The following RAD9A variants were observed in gnomAD, a reference collection of about 807,000 sequenced individuals.
RAD9A encodes RAD9 checkpoint clamp component A, also known as cell cycle checkpoint control protein RAD9A.
In RAD9A, 25 loss-of-function variants were observed where a neutral mutation model predicts 41.2. The ratio of observed to expected loss-of-function variants is 0.61; its 90% CI spans 0.44 to 0.85. RAD9A has a LOEUF of 0.85. Among genes scored for constraint, RAD9A ranks in the 40% least tolerant of loss-of-function variants. The pLI, the probability that RAD9A is intolerant of heterozygous loss-of-function variation, is 0.00. For synonymous variants in RAD9A, 252 were observed against 210.6 expected (o/e 1.20, Z -1.70); for missense variants, 514 against 518.3 (o/e 0.99, Z 0.08).
Position 67,398,089 on chromosome 11 carries a change from T to C in RAD9A, c.*530T>C. ...CTTGGACCCGAGTGTGTGGCTAGGGTTGCCCTGGCTGGGGCCCGGTGCCGA... is the reference window on the plus strand; with the variant it reads ...CTTGGACCCGAGTGTGTGGCTAGGGCTGCCCTGGCTGGGGCCCGGTGCCGA... On this transcript the variant is annotated 3_prime_UTR_variant, in exon 11 of 11. Coordinates refer to ENST00000307980, the MANE Select transcript of RAD9A (RefSeq NM_004584.3). 4.8e-6 allele frequency: 1 copy of C among 209,172 alleles called. No individual in the cohort carries two copies. The highest frequency in any genetic ancestry group is 9.7e-6 in the Non-Finnish European group (1 of 102,752). The allele number at this position is 209,172 out of a possible 1,614,324, so 13.0% of individuals were successfully genotyped here.
intron 5 of RAD9A, among the ~76,000 whole-genome samples, chr11:67,394,068 C>T (rs1862613818): frequency 6.6e-6 from 1 of 152,218 alleles, no homozygotes; most frequent in Non-Finnish European, 1.5e-5. Context: ...TTTCTGGCTG[C>T]TCAAACCCAT....
Position 67,397,877 on chromosome 11 carries a change from C to T in RAD9A, c.*318C>T, listed in dbSNP as rs1460782733. ...CTGGCCAAGGCTGGAAACCTGTCTC[C>T]CTCAGGCTCACCTTCCTAAGGAAAA... On this transcript the variant is annotated 3_prime_UTR_variant, in exon 11 of 11. Transcript: ENST00000307980. The T allele has an allele frequency of 1.2e-5, 4 of 332,114 alleles. No individual in the cohort carries two copies. In the Admixed American group the frequency reaches 1.9e-4, roughly 16 times the overall value. The allele number at this position is 332,114 out of a possible 1,614,324, so 20.6% of individuals were successfully genotyped here. A position where few individuals can be genotyped will look rare whatever the true frequency, so the allele number is the denominator to read the frequency against.
chr11:67,397,600 A>G lies in RAD9A; in HGVS notation c.*41A>G. The G allele has an allele frequency of 6.6e-7, 1 of 1,510,624 alleles. No homozygotes were observed. The highest frequency in any genetic ancestry group is 9.1e-7 in the Non-Finnish European group (1 of 1,099,554). 93.6% of individuals were successfully genotyped at this position (1,510,624 alleles called of 1,614,324 possible). A position where few individuals can be genotyped will look rare whatever the true frequency, so the allele number is the denominator to read the frequency against. The stretch of plus-strand genomic sequence containing the variant: ...CCTGTACCCAGAGGCCTTGGACTAG[A>G]CGAAGCCCCAGCCAGTGGCAGAACT... On this transcript the variant is annotated 3_prime_UTR_variant, in exon 11 of 11. Transcript: ENST00000307980.
intron 2 of RAD9A, 31 bp downstream of exon 2, chr11:67,392,262 G>GGGGATGGGGGGGGGGGGGGGGGGGGC: frequency 1.7e-6 from 1 of 600,788 alleles, no homozygotes; most frequent in Non-Finnish European, 3.0e-6. Flanking sequence ...GGGCGGGTGG[G>GGGGATGGGGGGGGGGGGGGGGGGGGC]ACTCCAGCCG....
rs1481758222 is a variant in RAD9A at position 67,392,235 on chromosome 11, AGGGGCTAGGGTGTGG to A, written c.105+10_105+24del. The stretch of plus-strand genomic sequence containing the variant: ...CCTGGAACCCTTGGAGGACGGGGTG[AGGGGCTAGGGTGTGG>A]GGGGCGGGTGGGACTCCAGCCGGGA... On this transcript the variant is annotated splice_donor_5th_base_variant and intron_variant, in intron 2 of 10. Coordinates refer to ENST00000307980, the MANE Select transcript of RAD9A (RefSeq NM_004584.3). The A allele has an allele frequency of 2.5e-6, 1 of 403,786 alleles. No homozygotes were observed. Among genetic ancestry groups the A allele is most frequent in the African/African-American group, 3.5e-5 (1 of 28,952 alleles). 25.0% of individuals were successfully genotyped at this position (403,786 alleles called of 1,614,324 possible).
chr11:67,392,097 G>C lies in RAD9A; in HGVS notation c.34+19G>C, dbSNP rs1203115684. 2 of 1,601,648 alleles carry C rather than the reference G, an allele frequency of 1.2e-6. No homozygotes were observed. Among genetic ancestry groups the C allele is most frequent in the Non-Finnish European group, 1.7e-6 (2 of 1,175,954 alleles). On this transcript the variant is annotated intron_variant, in intron 1 of 10. Transcript: ENST00000307980. ...GTGAAGGGTGAGTGCAGGTCGGCCTGGCAGCGGCGGTGCAGCAGCCGCGGA... is the reference window on the plus strand; with the variant it reads ...GTGAAGGGTGAGTGCAGGTCGGCCTCGCAGCGGCGGTGCAGCAGCCGCGGA...
At chr11:67,395,878 C>T (rs765838803) in intron 6 of RAD9A, 34 bp from the exon 7 acceptor site, 3 of 1,611,748 alleles carry the variant, frequency 1.9e-6, no homozygotes, top group African/African-American at 2.7e-5. Context: ...GGGAGAGGGG[C>T]GGGGCCCAGG....
rs1394624971 is a variant in RAD9A, at chr11:67,395,953, G to A, written c.601G>A (p.Glu201Lys). The A allele has an allele frequency of 1.1e-5, 18 of 1,614,018 alleles. No homozygotes were observed. The highest frequency in any genetic ancestry group is 4.0e-5 in the African/African-American group (3 of 74,926). Residue 201 changes from glutamate to lysine, a missense_variant, in exon 7 of 11, where the codon GAG becomes AAG. This residue lies in a region of RAD9A where 268 missense variants were observed against 279.3 expected (regional missense o/e 0.96). Transcript: ENST00000307980. Reference sequence around the variant, plus strand: ...CATGGTGACTGAGATGTGCCTTGGAGAGGAGGATTTCCAGCAGCTGCAGGC... The same window carrying A: ...CATGGTGACTGAGATGTGCCTTGGAAAGGAGGATTTCCAGCAGCTGCAGGC... ...KAMVTEMCLG[E>K]EDFQQLQAQE...
At chr11:67,392,448 C>T (rs955877401) in intron 2 of RAD9A, among the ~76,000 whole-genome samples, 25 of 152,212 alleles carry the variant, frequency 1.6e-4, no homozygotes, top group Admixed American at 9.2e-4. Context: ...TAGAGAAACT[C>T]GGGGAAGGCC....
intron 5 of RAD9A, among the ~76,000 whole-genome samples, chr11:67,394,452 T>G (rs1408107265): frequency 1.3e-5 from 2 of 152,154 alleles, no homozygotes; most frequent in African/African-American, 4.8e-5. Context: ...TCCATGCTGG[T>G]CACTGCTTGC....
chr11:67,392,229 G>T lies in RAD9A; in HGVS notation c.103G>T (p.Gly35Trp). The part of the protein sequence containing the change: ...DELYLEPLED[G>W]LSLRTVNSSR... ...GCTCTACCTGGAACCCTTGGAGGACGGGGTGAGGGGCTAGGGTGTGGGGGG... is the reference window on the plus strand; with the variant it reads ...GCTCTACCTGGAACCCTTGGAGGACTGGGTGAGGGGCTAGGGTGTGGGGGG... Residue 35 changes from glycine (G) to tryptophan (W), a missense_variant and splice_region_variant, in exon 2 of 11, where the codon GGG (glycine) becomes TGG (tryptophan). Physicochemically the swap from Gly to Trp is radical, Grantham distance 184. Coordinates refer to ENST00000307980, the MANE Select transcript of RAD9A (RefSeq NM_004584.3). 6.2e-7 allele frequency: 1 copy of T among 1,601,710 alleles called. No homozygotes were observed. Among genetic ancestry groups the T allele is most frequent in the Non-Finnish European group, 8.5e-7 (1 of 1,172,580 alleles).
Position 67,398,343 on chromosome 11 carries a change from G to A in RAD9A, c.*784G>A, listed in dbSNP as rs1297811266. 1.9e-5 allele frequency: 12 copies of A among 627,376 alleles called. No individual in the cohort carries two copies. The highest frequency in any genetic ancestry group is 3.2e-5 in the Non-Finnish European group (12 of 369,266). 38.9% of individuals were successfully genotyped at this position (627,376 alleles called of 1,614,324 possible). On this transcript the variant is annotated 3_prime_UTR_variant, in exon 11 of 11. Transcript: ENST00000307980. ...GATCCTGCTCACAGTCACCGCAGGT[G>A]CAGGCAGGAAGCAGCCCTGGGGGAC...
At position 67,397,204 on chromosome 11, in the gene RAD9A, A is replaced by T. The variant is rs1565118677; in HGVS notation, c.898A>T (p.Asn300Tyr). ...CACACCCCACCCGGACGACTTTGCC[A>T]ATGACGACATTGACTCTTACATGAT... is the stretch of plus-strand genomic sequence containing the variant. Reference protein sequence around the residue: ...HSTPHPDDFANDDIDSYMIAM... With the variant: ...HSTPHPDDFAYDDIDSYMIAM... Residue 300 changes from asparagine to tyrosine, a missense_variant, in exon 10 of 11, where the codon AAT becomes TAT. Asn to Tyr is a moderately radical substitution (Grantham distance 143, BLOSUM62 -2). Coordinates refer to ENST00000307980, the MANE Select transcript of RAD9A (RefSeq NM_004584.3). 1.2e-6 allele frequency: 2 copies of T among 1,613,644 alleles called. No individual in the cohort carries two copies. Among genetic ancestry groups the T allele is most frequent in the East Asian group, 4.5e-5 (2 of 44,894 alleles).
chr11:67,392,891 C>G, intron 3 of RAD9A, 109 bp downstream of exon 3: 1 of 1,406,958 alleles, frequency 7.1e-7, no homozygotes, highest in Non-Finnish European at 9.8e-7. Flanking sequence ...GAGACACGTG[C>G]AAGCCCAATC....
rs1565119294 is a variant in RAD9A, at chr11:67,397,507, C to T, written c.1124C>T (p.Ser375Phe). The change falls in exon 11 of 11, where the codon TCC becomes TTC. Residue 375 changes from serine (S) to phenylalanine (F), a missense_variant. Coordinates refer to ENST00000307980, the MANE Select transcript of RAD9A (RefSeq NM_004584.3). ...GGCTCCATCCTGGCCCCTGTACGCT[C>T]CCCCCAGGGCCCCAGCCCTGTGCTG... ...FFGSILAPVR[S>F]PQGPSPVLAE... The T allele has an allele frequency of 6.2e-7, 1 of 1,611,392 alleles. No homozygotes were observed. The highest frequency in any genetic ancestry group is 8.5e-7 in the Non-Finnish European group (1 of 1,178,328).
Position 67,395,787 on chromosome 11 carries a change from G to C in RAD9A, c.521G>C (p.Arg174Pro), listed in dbSNP as rs746014328. ...GTGACGCTGGGCATTGGCCGTGGCCGCAGGGTCATCCTGCGCAGCTACCAC... is the reference window on the plus strand; with the variant it reads ...GTGACGCTGGGCATTGGCCGTGGCCCCAGGGTCATCCTGCGCAGCTACCAC... ...AEVTLGIGRGRRVILRSYHEE... is the reference protein window; with the variant it reads ...AEVTLGIGRGPRVILRSYHEE... Residue 174 changes from arginine (R) to proline (P), a missense_variant, in exon 6 of 11, where the codon CGC (arginine) becomes CCC (proline). By Grantham distance (103) the Arg-to-Pro change is moderately radical. Around this residue, in one of 3 missense-constraint regions of RAD9A, gnomAD observed 268 missense variants for 279.3 expected, o/e 0.96. Coordinates refer to ENST00000307980, the MANE Select transcript of RAD9A (RefSeq NM_004584.3). 1.2e-6 allele frequency: 2 copies of C among 1,613,772 alleles called. No individual in the cohort carries two copies. The highest frequency in any genetic ancestry group is 1.1e-5 in the South Asian group (1 of 91,076).
chr11:67,397,184 C>T lies in RAD9A; in HGVS notation c.878C>T (p.Pro293Leu), dbSNP rs572153554. Residue 293 changes from proline (P) to leucine (L), a missense_variant, in exon 10 of 11, where the codon CCC becomes CTC. Transcript: ENST00000307980. ...TACTCCGATTCTGCCTACAGCACAC[C>T]CCACCCGGACGACTTTGCCAATGAC... ...PVPQLQAHST[P>L]HPDDFANDDI... 5.6e-6 allele frequency: 9 copies of T among 1,612,594 alleles called. No individual in the cohort carries two copies. The Admixed American group carries it at 8.3e-5, about 15-fold the overall frequency.
chr11:67,397,825 C>T lies in RAD9A; in HGVS notation c.*266C>T. 2 of 467,908 alleles carry T rather than the reference C, an allele frequency of 4.3e-6. No individual in the cohort carries two copies. Among genetic ancestry groups the T allele is most frequent in the Non-Finnish European group, 3.8e-6 (1 of 261,792 alleles). 29.0% of individuals were successfully genotyped at this position (467,908 alleles called of 1,614,324 possible). On this transcript the variant is annotated 3_prime_UTR_variant, in exon 11 of 11. Coordinates refer to ENST00000307980, the MANE Select transcript of RAD9A (RefSeq NM_004584.3). ...CTACTGACGTTCCTACCTCTTATTT[C>T]TCATTGAGCCTCAGGCTATACTCCA...
Position 67,397,348 on chromosome 11 carries a change from G to C in RAD9A, c.1042G>C (p.Glu348Gln). The C allele has an allele frequency of 6.2e-7, 1 of 1,600,014 alleles. No individual in the cohort carries two copies. Among genetic ancestry groups the C allele is most frequent in the Non-Finnish European group, 8.5e-7 (1 of 1,173,054 alleles). The change falls in exon 10 of 11, where the codon GAG (glutamate) becomes CAG (glutamine). Residue 348 changes from glutamate to glutamine, a missense_variant. This residue lies in a region of RAD9A where 216 missense variants were observed against 184.2 expected (regional missense o/e 1.17). Transcript: ENST00000307980. ...CCACTCCGAGGAGGAAGATGAGGCT[G>C]AGCCCAGTACAGTGCCTGGGACTCC... ...GPHSEEEDEA[E>Q]PSTVPGTPPP...
Sources: allele counts gnomAD v4.1 joint callset (sites outside exome capture counted in the v4.1 genomes callset), GRCh38; gene constraint gnomAD v4.1.1; regional missense constraint gnomAD v4.1.1; transcripts MANE v1.5; gene names NCBI Gene and HGNC (gene_info 2026-07-23, HGNC 2026-07-21).